CSPG4: variants seen among roughly 807,000 people sequenced by gnomAD.
CSPG4 encodes chondroitin sulfate proteoglycan 4 (melanoma-associated).
CSPG4 carries 74 observed loss-of-function variants against 139.3 expected under a neutral mutation model. That is an observed-to-expected ratio of 0.53 (90% CI 0.44 to 0.64). CSPG4 has a LOEUF of 0.64. Ranked by LOEUF, CSPG4 falls within the 30% of genes least tolerant of loss-of-function variation. The pLI, the probability that CSPG4 is intolerant of heterozygous loss-of-function variation, is 0.00. For missense variants in CSPG4, 2,565 were observed against 3,148.3 expected (o/e 0.81, Z 4.43); for synonymous variants, 1,234 against 1,394.2 (o/e 0.89, Z 2.56).
At position 75,675,755 on chromosome 15, in the gene CSPG4, T is replaced by C. The variant is rs1893879695; in HGVS notation, c.6764A>G (p.His2255Arg). ...YLRKRNKTGKHDVQVLTAKPR... is the reference protein window; with the variant it reads ...YLRKRNKTGKRDVQVLTAKPR... ...CTTGGCAGTCAGGACCTGGACGTCA[T>C]GCTTGCCCGTCTTGTTGCGTTTTCG... is the stretch of plus-strand genomic sequence containing the variant. The change falls in exon 10 of 10, where the codon CAT (histidine) becomes CGT (arginine). Residue 2255 changes from histidine to arginine, a missense_variant. Transcript: ENST00000308508. 2 of 1,611,346 alleles carry C rather than the reference T, an allele frequency of 1.2e-6. No homozygotes were observed. The highest frequency in any genetic ancestry group is 1.3e-5 in the African/African-American group (1 of 74,900).
At position 75,682,238 on chromosome 15, in the gene CSPG4, G is replaced by A. The variant is rs1286203062; in HGVS notation, c.4950+55C>T. 3 of 1,587,560 alleles carry A rather than the reference G, an allele frequency of 1.9e-6. No individual in the cohort carries two copies. In the South Asian group the frequency reaches 3.3e-5, roughly 18 times the overall value. ...ATGTCCACATGATGTCCATGGCACA[G>A]CGGCCACCTGAGGCTGGGGGCATCT... On this transcript the variant is annotated intron_variant, in intron 8 of 9. Transcript: ENST00000308508.
At position 75,682,602 on chromosome 15, in the gene CSPG4, C is replaced by T; in HGVS notation, c.4783+5G>A. 1 of 1,612,856 alleles carries T rather than the reference C, an allele frequency of 6.2e-7. No homozygotes were observed. The highest frequency in any genetic ancestry group is 8.5e-7 in the Non-Finnish European group (1 of 1,179,888). On this transcript the variant is annotated splice_donor_5th_base_variant and intron_variant, in intron 7 of 9. Coordinates refer to ENST00000308508, the MANE Select transcript of CSPG4 (RefSeq NM_001897.5). ...CCCAGGAATGCCCATGATCAGCACA[C>T]CCACCTGGGCAGACAGTCAGTGTCT...
intron 1 of CSPG4, among the ~76,000 whole-genome samples, chr15:75,710,689 G>T (rs547389786): frequency 6.6e-6 from 1 of 152,160 alleles, no homozygotes; most frequent in Non-Finnish European, 1.5e-5. Flanking sequence ...ACGGGAGGAC[G>T]AGGGCCTTTG....
Position 75,689,223 on chromosome 15 carries a change from G to A in CSPG4, c.1842C>T (p.Thr614=), listed in dbSNP as rs761922473. Residue 614 remains threonine (T), a synonymous_variant, in exon 3 of 10, where the codon ACC becomes ACT. Coordinates refer to ENST00000308508, the MANE Select transcript of CSPG4 (RefSeq NM_001897.5). ...CCTCCAACTCCCGGCAGGAGAACTC[G>A]GTCGCCGGCTCCCCAGGCTGGTCTC... The part of the protein sequence containing the change: ...ERRDQPGEPA[T]EFSCRELEAG... 1.4e-5 allele frequency: 23 copies of A among 1,609,540 alleles called. 1 individual carries two copies. Among genetic ancestry groups the A allele is most frequent in the African/African-American group, 1.1e-4 (8 of 74,858 alleles).
chr15:75,695,350 C>T (rs1894211871), intron 1 of CSPG4, among the ~76,000 whole-genome samples: 1 of 152,192 alleles, frequency 6.6e-6, no homozygotes, highest in South Asian at 2.1e-4. Context: ...CCTGTTTGGC[C>T]AGAGTGGGAG....
At position 75,689,184 on chromosome 15, in the gene CSPG4, G is replaced by C. The variant is rs756495471; in HGVS notation, c.1881C>G (p.Val627=). 7 of 1,606,296 alleles carry C rather than the reference G, an allele frequency of 4.4e-6. No homozygotes were observed. Among genetic ancestry groups the C allele is most frequent in the Non-Finnish European group, 5.9e-6 (7 of 1,177,360 alleles). ...SCRELEAGSL[V]YVHRGGPAQD... is the part of the protein sequence containing the mutation. ...GTGCAGGACCACCGCGGTGGACATA[G>C]ACTAGGCTGCCGGCCTCCAACTCCC... The change falls in exon 3 of 10, where the codon GTC becomes GTG. Residue 627 remains valine, a synonymous_variant. Coordinates refer to ENST00000308508, the MANE Select transcript of CSPG4 (RefSeq NM_001897.5).
In CSPG4 at chr15:75,677,373, G is replaced by C; in HGVS notation, c.5146C>G (p.Pro1716Ala). ...HLWKNKGLWV[P>A]EGQRARITVA... ...GTGATCCTGGCCCGCTGGCCCTCGG[G>C]GACCCAGAGACCTGGGGGTGGGACA... Residue 1716 changes from proline (P) to alanine (A), a missense_variant, in exon 10 of 10, where the codon CCC (proline) becomes GCC (alanine). Coordinates refer to ENST00000308508, the MANE Select transcript of CSPG4 (RefSeq NM_001897.5). 7.2e-7 allele frequency: 1 copy of C among 1,396,062 alleles called. No individual in the cohort carries two copies. The highest frequency in any genetic ancestry group is 9.3e-7 in the Non-Finnish European group (1 of 1,072,176). 86.5% of individuals were successfully genotyped at this position (1,396,062 alleles called of 1,614,324 possible).
At position 75,682,493 on chromosome 15, in the gene CSPG4, C is replaced by T. The variant is rs369915748; in HGVS notation, c.4784-34G>A. ...GGCAAAAGGGGATATCAGATTTTGA[C>T]TGGGAGCCAGGTCCAGGCCTGTGTT... On this transcript the variant is annotated intron_variant, in intron 7 of 9. Transcript: ENST00000308508. 6.2e-5 allele frequency: 97 copies of T among 1,572,138 alleles called. No homozygotes were observed. In the African/African-American group the frequency reaches 1.1e-3, roughly 18 times the overall value.
At chr15:75,692,806 T>C (rs1021141210) in intron 2 of CSPG4, among the ~76,000 whole-genome samples, 1 of 152,162 alleles carries the variant, frequency 6.6e-6, no homozygotes, top group Admixed American at 6.5e-5. Context: ...GGCCAGGAAC[T>C]GAAAGCAGTT....
intron 1 of CSPG4, among the ~76,000 whole-genome samples, chr15:75,700,120 G>A (rs1596012585): frequency 6.6e-6 from 1 of 152,176 alleles, no homozygotes; most frequent in East Asian, 1.9e-4. Flanking sequence ...AGCCTGTGGA[G>A]CAGCGGCAGG....
Position 75,689,697 on chromosome 15 carries a change from C to G in CSPG4, c.1368G>C (p.Leu456=), listed in dbSNP as rs779855330. Residue 456 remains leucine, a synonymous_variant, in exon 3 of 10, where the codon CTG becomes CTC. Coordinates refer to ENST00000308508, the MANE Select transcript of CSPG4 (RefSeq NM_001897.5). ...TGCGCAGCTCAGCCTCCATCAGGTCCAGCGTGGGCTGCACATGCCTCCACT... is the reference window on the plus strand; with the variant it reads ...TGCGCAGCTCAGCCTCCATCAGGTCGAGCGTGGGCTGCACATGCCTCCACT... The part of the protein sequence containing the change: ...WLEWRHVQPT[L]DLMEAELRKS... 2 of 1,612,884 alleles carry G rather than the reference C, an allele frequency of 1.2e-6. No homozygotes were observed. The highest frequency in any genetic ancestry group is 1.7e-6 in the Non-Finnish European group (2 of 1,179,840).
Position 75,693,116 on chromosome 15 carries a change from C to A in CSPG4, c.206G>T (p.Gly69Val). 1 of 1,552,956 alleles carries A rather than the reference C, an allele frequency of 6.4e-7. No homozygotes were observed. The highest frequency in any genetic ancestry group is 8.8e-7 in the Non-Finnish European group (1 of 1,141,764). Residue 69 changes from glycine (G) to valine (V), a missense_variant, in exon 2 of 10, where the codon GGC becomes GTC. By Grantham distance (109) the Gly-to-Val change is moderately radical (BLOSUM62 -3). Around this residue, in one of 5 missense-constraint regions of CSPG4, gnomAD observed 30 missense variants for 60.1 expected, o/e 0.50. Coordinates refer to ENST00000308508, the MANE Select transcript of CSPG4 (RefSeq NM_001897.5). The stretch of plus-strand genomic sequence containing the variant: ...CTGCAGCAGGAGGTGGTCAGCTGGG[C>A]CTGCTGCCAGGAGAAGGAGGGCTTC... ...QPEALLLLAA[G>V]PADHLLLQLY...
At position 75,674,933 on chromosome 15, in the gene CSPG4, C is replaced by G. The variant is rs998979688; in HGVS notation, c.*617G>C. 5.0e-6 allele frequency: 2 copies of G among 397,800 alleles called. No homozygotes were observed. Among genetic ancestry groups the G allele is most frequent in the Admixed American group, 8.8e-5 (2 of 22,698 alleles). The allele number at this position is 397,800 out of a possible 1,614,324, so 24.6% of individuals were successfully genotyped here. On this transcript the variant is annotated 3_prime_UTR_variant, in exon 10 of 10. Transcript: ENST00000308508. ...GCAATCTCCCTTAAATAAACCCATC[C>G]CCAGAGCAACCTACCCACCCTGCAC...
chr15:75,699,831 C>T (rs1434336504), intron 1 of CSPG4, among the ~76,000 whole-genome samples: 1 of 152,040 alleles, frequency 6.6e-6, no homozygotes, highest in Non-Finnish European at 1.5e-5. Flanking sequence ...AGAGGCTTTT[C>T]CCTGCCTTAT....
chr15:75,678,292 C>G (rs532753681), intron 8 of CSPG4, among the ~76,000 whole-genome samples: 9 of 152,294 alleles, frequency 5.9e-5, no homozygotes, highest in Admixed American at 5.9e-4. Flanking sequence ...ATGCATCATT[C>G]CCTTCATTAT....
At chr15:75,681,873 C>T (rs1033505120) in intron 8 of CSPG4, among the ~76,000 whole-genome samples, 1 of 152,224 alleles carries the variant, frequency 6.6e-6, no homozygotes, top group Admixed American at 6.5e-5. Context: ...GAGCCCCAGG[C>T]TCACACCTCT....
At chr15:75,711,812 C>T (rs142762099) in intron 1 of CSPG4, among the ~76,000 whole-genome samples, 61 of 152,318 alleles carry the variant, frequency 4.0e-4, no homozygotes, top group Non-Finnish European at 7.9e-4. Flanking sequence ...ACTAGAGCTG[C>T]CTTCGCTGAA....
At position 75,676,593 on chromosome 15, in the gene CSPG4, C is replaced by T. The variant is rs770463273; in HGVS notation, c.5926G>A (p.Glu1976Lys). 1.2e-6 allele frequency: 2 copies of T among 1,612,424 alleles called. No homozygotes were observed. The highest frequency in any genetic ancestry group is 1.7e-6 in the Non-Finnish European group (2 of 1,179,596). The change falls in exon 10 of 10, where the codon GAG (glutamate) becomes AAG (lysine). Residue 1976 changes from glutamate (E) to lysine (K), a missense_variant. Glu to Lys is a moderately conservative substitution (Grantham distance 56, BLOSUM62 1). Around this residue, in one of 5 missense-constraint regions of CSPG4, gnomAD observed 2,316 missense variants for 2,818.2 expected, o/e 0.82. Transcript: ENST00000308508. Reference sequence around the variant, plus strand: ...CCCTGGATGAGGCGGTATGCTGCCTCTGGCTCCTCCCGATCTGAAACCACC... The same window carrying T: ...CCCTGGATGAGGCGGTATGCTGCCTTTGGCTCCTCCCGATCTGAAACCACC... The part of the protein sequence containing the change: ...LRVVSDREEP[E>K]AAYRLIQGPQ...
upstream of CSPG4, chr15:75,712,977 C>T: frequency 1.9e-6 from 1 of 516,530 alleles, no homozygotes; most frequent in East Asian, 3.6e-5. Flanking sequence ...AGGGCCCGTG[C>T]GGGGCTGTTC....
Sources: allele counts gnomAD v4.1 joint callset (sites outside exome capture counted in the v4.1 genomes callset), GRCh38; gene constraint gnomAD v4.1.1; regional missense constraint gnomAD v4.1.1; transcripts MANE v1.5; gene names NCBI Gene and HGNC (gene_info 2026-07-23, HGNC 2026-07-21).